Variants in ERBB4 observed in about 807,000 individuals in gnomAD.
ERBB4 encodes erb-b2 receptor tyrosine kinase 4.
In ERBB4, 42 loss-of-function variants were observed where a neutral mutation model predicts 158.0. The ratio of observed to expected loss-of-function variants is 0.27; its 90% CI spans 0.21 to 0.34. The LOEUF (loss-of-function observed/expected upper bound fraction) is 0.34. ERBB4 is among the 10% of genes least tolerant of loss of function. The pLI is 1.00. For synonymous variants in ERBB4, 583 were observed against 558.7 expected, an observed-to-expected ratio of 1.04 and a Z score of -0.61; for missense variants, 1,333 against 1,624.1, an observed-to-expected ratio of 0.82 and a Z score of 3.08.
At chr2:211,668,851 T>C (rs1273380221) in intron 14 of ERBB4, among the ~76,000 whole-genome samples, 1 of 152,032 alleles carries the variant, frequency 6.6e-6, no homozygotes, top group African/African-American at 2.4e-5. Context: ...GGAAGTGCCA[T>C]AAATTAAAAG....
At chr2:211,993,318 C>A (rs2082123513) in intron 2 of ERBB4, among the ~76,000 whole-genome samples, 1 of 152,152 alleles carries the variant, frequency 6.6e-6, no homozygotes, top group Non-Finnish European at 1.5e-5. Flanking sequence ...GAAGACACGA[C>A]GAGAGGGCAG....
intron 1 of ERBB4, among the ~76,000 whole-genome samples, chr2:212,301,566 C>T (rs1211565722): frequency 4.0e-5 from 6 of 151,316 alleles, no homozygotes; most frequent in Non-Finnish European, 8.9e-5. Context: ...AGGTGTTGGA[C>T]ATATCTTGGT....
chr2:212,464,032 T>G (rs1688707092), intron 1 of ERBB4, among the ~76,000 whole-genome samples: 1 of 152,102 alleles, frequency 6.6e-6, no homozygotes, highest in Admixed American at 6.6e-5. Context: ...ATACAGAAAC[T>G]GCCACTTCTG....
At chr2:212,053,846 T>C (rs2077474177) in intron 2 of ERBB4, among the ~76,000 whole-genome samples, 1 of 152,246 alleles carries the variant, frequency 6.6e-6, no homozygotes, top group South Asian at 2.1e-4. Flanking sequence ...AGGGTTTTTA[T>C]GATGCCAACT....
intron 1 of ERBB4, among the ~76,000 whole-genome samples, chr2:212,281,189 C>T (rs1342181410): frequency 6.6e-6 from 1 of 151,592 alleles, no homozygotes; most frequent in Non-Finnish European, 1.5e-5. Flanking sequence ...TATCATTAGT[C>T]TACTAATTTC....
At chr2:211,394,186 T>A (rs1574403212) in intron 25 of ERBB4, among the ~76,000 whole-genome samples, 1 of 152,214 alleles carries the variant, frequency 6.6e-6, no homozygotes, top group African/African-American at 2.4e-5. Context: ...TAGTATGTGA[T>A]GGAATCAAAG....
chr2:212,130,837 C>T (rs147706383), intron 1 of ERBB4, among the ~76,000 whole-genome samples: 94 of 152,206 alleles, frequency 6.2e-4, no homozygotes, highest in African/African-American at 2.2e-3. Context: ...AAGCAGTGAG[C>T]AGTATATTTA....
chr2:211,970,944 T>C (rs1428844934), intron 2 of ERBB4, among the ~76,000 whole-genome samples: 2 of 152,190 alleles, frequency 1.3e-5, no homozygotes, highest in Non-Finnish European at 2.9e-5. Flanking sequence ...TTGTGCAGAC[T>C]TGTTTATGTG....
At chr2:211,977,496 C>T (rs1253777593) in intron 2 of ERBB4, among the ~76,000 whole-genome samples, 3 of 125,238 alleles carry the variant, frequency 2.4e-5, no homozygotes, top group East Asian at 2.5e-4. Flanking sequence ...TTGGCACTTT[C>T]TCTTTTAGGC....
intron 1 of ERBB4, among the ~76,000 whole-genome samples, chr2:212,246,232 A>G (rs2084304454): frequency 6.6e-6 from 1 of 152,252 alleles, no homozygotes; most frequent in Non-Finnish European, 1.5e-5. Context: ...TATGCTAATA[A>G]GACTTTCAGC....
intron 3 of ERBB4, among the ~76,000 whole-genome samples, chr2:211,865,579 C>T (rs142705675): frequency 2.0e-5 from 3 of 152,086 alleles, no homozygotes; most frequent in Non-Finnish European, 2.9e-5. Flanking sequence ...CTTCTGCCTC[C>T]CAGGTTCAAG....
intron 2 of ERBB4, among the ~76,000 whole-genome samples, chr2:211,970,371 G>C (rs1458813441): frequency 6.6e-6 from 1 of 152,160 alleles, no homozygotes. Flanking sequence ...TTGTTTTGTG[G>C]TGGAGAGTTC....
chr2:212,391,324 T>C (rs915374440), intron 1 of ERBB4, among the ~76,000 whole-genome samples: 1 of 151,718 alleles, frequency 6.6e-6, no homozygotes, highest in East Asian at 1.9e-4. Context: ...TAGTAAACTA[T>C]ATCTTTAAAG....
chr2:212,358,847 T>C (rs2089569901), intron 1 of ERBB4, among the ~76,000 whole-genome samples: 1 of 151,760 alleles, frequency 6.6e-6, no homozygotes, highest in African/African-American at 2.4e-5. Context: ...CTAACCTTCA[T>C]TATGAAACCT....
chr2:211,645,292 G>C (rs1397189154), intron 16 of ERBB4, among the ~76,000 whole-genome samples: 1 of 151,684 alleles, frequency 6.6e-6, no homozygotes, highest in African/African-American at 2.4e-5. Flanking sequence ...AAGACAGAGA[G>C]GGAGAAGCCC....
At chr2:212,213,228 C>A (rs1204637076) in intron 1 of ERBB4, among the ~76,000 whole-genome samples, 1 of 145,024 alleles carries the variant, frequency 6.9e-6, no homozygotes, top group South Asian at 2.2e-4. Context: ...AAGAAAAAAA[C>A]AACCCCATCA....
At chr2:211,430,907 A>C (rs1166594270) in intron 21 of ERBB4, 38 bp downstream of exon 21, 7 of 1,534,912 alleles carry the variant, frequency 4.6e-6, no homozygotes, top group Non-Finnish European at 6.3e-6. Context: ...ATATTATACT[A>C]TATTTTCAAG....
At chr2:211,557,682 G>T (rs1048386169) in intron 20 of ERBB4, among the ~76,000 whole-genome samples, 1 of 152,072 alleles carries the variant, frequency 6.6e-6, no homozygotes, top group Non-Finnish European at 1.5e-5. Context: ...GCATAAATTA[G>T]TTCAACCACT....
chr2:212,283,137 G>A (rs941969770), intron 1 of ERBB4, among the ~76,000 whole-genome samples: 5 of 151,878 alleles, frequency 3.3e-5, no homozygotes, highest in Admixed American at 6.6e-5. Context: ...TGGATTTCAC[G>A]GATTAACCAA....
Sources: gnomAD v4.1 joint callset for allele counts (sites outside exome capture counted in the v4.1 genomes callset) on GRCh38, gnomAD v4.1.1 for gene constraint, MANE v1.5 for transcripts, NCBI Gene and HGNC (gene_info 2026-07-23, HGNC 2026-07-21) for gene names.